The following SPOCK1 variants were observed in gnomAD, a reference collection of about 807,000 sequenced individuals.
SPOCK1 encodes SPARC (osteonectin), cwcv and kazal like domains proteoglycan 1.
Under a neutral mutation model 55.3 loss-of-function variants are expected in SPOCK1, and 23 were observed. The ratio of observed to expected loss-of-function variants is 0.42; its 90% CI spans 0.30 to 0.59. The LOEUF is 0.59. SPOCK1 is among the 20% of genes least tolerant of loss of function. The pLI is 0.22. For missense variants in SPOCK1, 499 were observed against 552.5 expected (o/e 0.90, Z 0.97); for synonymous variants, 226 against 221.0 (o/e 1.02, Z -0.20).
At chr5:137,428,920 C>T (rs1752688651) in intron 2 of SPOCK1, among the ~76,000 whole-genome samples, 2 of 152,206 alleles carry the variant, frequency 1.3e-5, no homozygotes, top group Non-Finnish European at 2.9e-5. Flanking sequence ...ACTGATGGAA[C>T]TCCCTCCAAC....
chr5:137,261,018 C>A (rs988795266), intron 3 of SPOCK1, among the ~76,000 whole-genome samples: 1 of 151,982 alleles, frequency 6.6e-6, no homozygotes, highest in African/African-American at 2.4e-5. Context: ...CAAACATGAG[C>A]GAGCCAGGAG....
At chr5:137,245,336 A>G (rs1434820159) in intron 3 of SPOCK1, among the ~76,000 whole-genome samples, 4 of 152,244 alleles carry the variant, frequency 2.6e-5, no homozygotes, top group Non-Finnish European at 4.4e-5. Context: ...TTAGAAACAC[A>G]TGGATGTAAG....
chr5:137,146,579 C>T lies in SPOCK1; in HGVS notation c.233-5885G>A, dbSNP rs114657389. ...AAATTACACCAAACTGTGAAAACCTCGTCAAGCTATGAGCAGGAACATTTA... is the reference window on the plus strand; with the variant it reads ...AAATTACACCAAACTGTGAAAACCTTGTCAAGCTATGAGCAGGAACATTTA... On this transcript the variant is annotated intron_variant, in intron 3 of 10. Transcript: ENST00000394945. 5.9e-3 allele frequency among the ~76,000 whole-genome samples: 901 copies of T among 152,308 alleles called. 4 individuals are homozygous for T. Among genetic ancestry groups the T allele is most frequent in the Middle Eastern group, 0.014 (4 of 294 alleles).
intron 2 of SPOCK1, among the ~76,000 whole-genome samples, chr5:137,346,495 T>G (rs1002720829): frequency 6.6e-6 from 1 of 152,212 alleles, no homozygotes; most frequent in African/African-American, 2.4e-5. Flanking sequence ...TAATCAGCCC[T>G]TGATTAACAT....
chr5:137,368,383 A>G (rs1751122433), intron 2 of SPOCK1, among the ~76,000 whole-genome samples: 1 of 152,212 alleles, frequency 6.6e-6, no homozygotes, highest in Non-Finnish European at 1.5e-5. Flanking sequence ...AGAGGGAACA[A>G]TGGGCACCTG....
In SPOCK1 at chr5:137,194,659, C is replaced by T. The variant is rs150783646; in HGVS notation, c.233-53965G>A. Among the ~76,000 whole-genome samples the T allele has an allele frequency of 2.8e-3, 425 of 152,250 alleles. 5 individuals are homozygous for T. The highest frequency in any genetic ancestry group is 9.8e-3 in the African/African-American group (406 of 41,542). ...CCTCCTCCAACATCCTCCTCTTTCC[C>T]GGGCACCAGACTCCTGCTTCCCATA... On this transcript the variant is annotated intron_variant, in intron 3 of 10. Transcript: ENST00000394945.
intron 3 of SPOCK1, among the ~76,000 whole-genome samples, chr5:137,232,954 C>A (rs912214648): frequency 6.6e-6 from 1 of 152,164 alleles, no homozygotes; most frequent in Non-Finnish European, 1.5e-5. Flanking sequence ...GAGGGAAGAT[C>A]TTTGTTTCAG....
chr5:137,145,807 A>G (rs1349258595), intron 3 of SPOCK1, among the ~76,000 whole-genome samples: 5 of 152,176 alleles, frequency 3.3e-5, no homozygotes, highest in African/African-American at 1.2e-4. Flanking sequence ...TTTAAACCAG[A>G]TAATAGGATG....
intron 2 of SPOCK1, chr5:137,364,954 G>C (rs1452462877): frequency 6.6e-6 from 1 of 152,250 alleles, no homozygotes; most frequent in Non-Finnish European, 1.5e-5. Context: ...ACTCACTGCA[G>C]GACACTGTCA....
intron 3 of SPOCK1, among the ~76,000 whole-genome samples, chr5:137,152,427 A>G (rs1169788341): frequency 2.6e-5 from 4 of 152,374 alleles, no homozygotes; most frequent in Admixed American, 2.0e-4. Flanking sequence ...TTAACTGCAC[A>G]TGGAAGACAG....
chr5:137,033,003 A>G, intron 6 of SPOCK1, among the ~76,000 whole-genome samples: 1 of 152,214 alleles, frequency 6.6e-6, no homozygotes, highest in East Asian at 1.9e-4. Context: ...CTAAATCAGG[A>G]AGAAGTGGGC....
intron 7 of SPOCK1, among the ~76,000 whole-genome samples, chr5:136,991,896 G>A (rs187694414): frequency 2.6e-4 from 39 of 152,280 alleles, no homozygotes; most frequent in African/African-American, 8.4e-4. Context: ...TGAGCAATCT[G>A]CATGTTATGG....
intron 2 of SPOCK1, among the ~76,000 whole-genome samples, chr5:137,393,765 G>C (rs1751779622): frequency 6.6e-6 from 1 of 152,162 alleles, no homozygotes; most frequent in African/African-American, 2.4e-5. Context: ...TATCTGCTTT[G>C]TTTACCATAA....
chr5:137,474,393 A>C (rs1214500469), intron 2 of SPOCK1, among the ~76,000 whole-genome samples: 1 of 152,178 alleles, frequency 6.6e-6, no homozygotes, highest in African/African-American at 2.4e-5. Flanking sequence ...TAAAGAGCCT[A>C]TTTTATGGAG....
Position 137,358,274 on chromosome 5 carries a change from G to A in SPOCK1, c.187-91219C>T, listed in dbSNP as rs370474060. On this transcript the variant is annotated intron_variant, in intron 2 of 10. Transcript: ENST00000394945. ...TCATACCTGCCAAGCATCCCCAACA[G>A]GTGATGTTCATCCAACACCACTGCC... 3.3e-5 allele frequency among the ~76,000 whole-genome samples: 5 copies of A among 151,818 alleles called. No homozygotes were observed. The East Asian group carries it at 5.8e-4, about 18-fold the overall frequency.
At chr5:137,171,591 T>C (rs1435256079) in intron 3 of SPOCK1, among the ~76,000 whole-genome samples, 1 of 152,148 alleles carries the variant, frequency 6.6e-6, no homozygotes, top group East Asian at 1.9e-4. Context: ...TATATGTAGA[T>C]ATCTTCAATT....
chr5:137,458,739 G>A (rs1753418634), intron 2 of SPOCK1, among the ~76,000 whole-genome samples: 1 of 152,158 alleles, frequency 6.6e-6, no homozygotes, highest in Admixed American at 6.6e-5. Context: ...TTGTCCCTTT[G>A]AGAAAACACA....
At chr5:137,286,287 C>A (rs112398146) in intron 2 of SPOCK1, among the ~76,000 whole-genome samples, 1 of 152,188 alleles carries the variant, frequency 6.6e-6, no homozygotes, top group Non-Finnish European at 1.5e-5. Flanking sequence ...TTTGGCAACT[C>A]TCTTCTCAGA....
rs1753491547 is a variant in SPOCK1 at position 137,112,376 on chromosome 5, G to A, written c.474+59C>T. ...CAAGCCCCAGTTTTGGCATAGAGAA[G>A]TGTTAGAACAAGCCGACATGAAGTA... On this transcript the variant is annotated intron_variant, in intron 5 of 10. Coordinates refer to ENST00000394945, the MANE Select transcript of SPOCK1 (RefSeq NM_004598.4). 18 of 1,590,876 alleles carry A rather than the reference G, an allele frequency of 1.1e-5. No individual in the cohort carries two copies. The South Asian group carries it at 2.1e-4, about 18-fold the overall frequency.
Sources: allele counts gnomAD v4.1 joint callset (sites outside exome capture counted in the v4.1 genomes callset), GRCh38; gene constraint gnomAD v4.1.1; transcripts MANE v1.5; gene names NCBI Gene and HGNC (gene_info 2026-07-23, HGNC 2026-07-21).